The following KIAA0825 variants were observed in gnomAD, a reference collection of about 807,000 sequenced individuals.
The protein encoded by KIAA0825 is uncharacterized protein KIAA0825.
KIAA0825 carries 119 observed loss-of-function variants against 147.6 expected under a neutral mutation model. The observed-to-expected ratio is 0.81, with a 90% CI of 0.69 to 0.94. The LOEUF (loss-of-function observed/expected upper bound fraction) is 0.94. KIAA0825 is among the 40% of genes least tolerant of loss of function. The probability of loss-of-function intolerance (pLI) is 0.00; values close to 1 mark genes in which losing one functional copy is unlikely to be tolerated. For synonymous variants in KIAA0825, 470 were observed against 518.1 expected, an observed-to-expected ratio of 0.91 and a Z score of 1.26; for missense variants, 1,381 against 1,472.7, an observed-to-expected ratio of 0.94 and a Z score of 1.02.
At chr5:94,186,732 T>G (rs566534750) in intron 20 of KIAA0825, among the ~76,000 whole-genome samples, 1 of 152,304 alleles carries the variant, frequency 6.6e-6, no homozygotes, top group East Asian at 1.9e-4. Context: ...CATTGTTCAT[T>G]CATTAGAAAC....
In KIAA0825 at chr5:94,484,802, G is replaced by A. The variant is rs1472852298; in HGVS notation, c.1099C>T (p.Leu367Phe). ...TCCCTGGTTATCTTGAGTGATAAAA[G>A]TATTTCGTCAAACAATTCTTGAACA... ...KGVQELFDEI[L>F]LSLKITRDTS... The change falls in exon 6 of 21, where the codon CTT (leucine) becomes TTT (phenylalanine). Residue 367 changes from leucine (L) to phenylalanine (F), a missense_variant. Physicochemically the swap from Leu to Phe is conservative, Grantham distance 22. Coordinates refer to ENST00000682413, the MANE Select transcript of KIAA0825 (RefSeq NM_001145678.3). 1.3e-6 allele frequency: 2 copies of A among 1,507,344 alleles called. No individual in the cohort carries two copies. The highest frequency in any genetic ancestry group is 2.8e-5 in the African/African-American group (2 of 72,092). 93.4% of individuals were successfully genotyped at this position (1,507,344 alleles called of 1,614,324 possible).
chr5:94,199,957 A>G (rs1771510785), intron 20 of KIAA0825, among the ~76,000 whole-genome samples: 1 of 152,176 alleles, frequency 6.6e-6, no homozygotes, highest in Admixed American at 6.5e-5. Flanking sequence ...AGACTGGCAG[A>G]CAGAGGGTCA....
intron 5 of KIAA0825, among the ~76,000 whole-genome samples, chr5:94,485,452 G>A (rs1762937009): frequency 6.6e-6 from 1 of 151,770 alleles, no homozygotes; most frequent in Non-Finnish European, 1.5e-5. Flanking sequence ...ATAATTTGGT[G>A]AAATCTGACT....
intron 20 of KIAA0825, among the ~76,000 whole-genome samples, chr5:94,323,009 T>C (rs922688317): frequency 1.3e-5 from 2 of 151,914 alleles, no homozygotes; most frequent in Admixed American, 1.3e-4. Context: ...CAAAGGCATA[T>C]GTATTTGTTA....
chr5:94,402,870 A>G (rs889800050), intron 16 of KIAA0825, among the ~76,000 whole-genome samples: 5 of 152,054 alleles, frequency 3.3e-5, no homozygotes, highest in African/African-American at 4.8e-5. Context: ...TACGTAATAT[A>G]CATACAAAGG....
rs561615500 is a variant in KIAA0825, at chr5:94,274,828, C to A, written c.3710+109540G>T. On this transcript the variant is annotated intron_variant, in intron 20 of 20. Transcript: ENST00000682413. ...ACTCATGAGCTTCATCCTTTCATGTCCAACAGAAGAGAAACCGAGGCCTTA... is the reference window on the plus strand; with the variant it reads ...ACTCATGAGCTTCATCCTTTCATGTACAACAGAAGAGAAACCGAGGCCTTA... Among the ~76,000 whole-genome samples, 10 of 152,230 alleles carry A rather than the reference C, an allele frequency of 6.6e-5. No individual in the cohort carries two copies. The South Asian group carries it at 2.1e-3, about 32-fold the overall frequency.
chr5:94,395,783 C>A (rs1277676087), intron 17 of KIAA0825, among the ~76,000 whole-genome samples: 5 of 152,100 alleles, frequency 3.3e-5, no homozygotes, highest in African/African-American at 9.7e-5. Flanking sequence ...CCACTAGATA[C>A]CTGTTTGCAC....
At chr5:94,166,093 C>G (rs989219918) in intron 20 of KIAA0825, among the ~76,000 whole-genome samples, 4 of 152,028 alleles carry the variant, frequency 2.6e-5, no homozygotes, top group Admixed American at 1.3e-4. Context: ...CATTACATGC[C>G]TGTATCATAA....
intron 5 of KIAA0825, among the ~76,000 whole-genome samples, chr5:94,505,559 G>T (rs1276513895): frequency 2.0e-5 from 3 of 151,884 alleles, no homozygotes; most frequent in African/African-American, 7.3e-5. Flanking sequence ...AGAAAACTAA[G>T]CAACACTCAT....
intron 20 of KIAA0825, among the ~76,000 whole-genome samples, chr5:94,243,591 G>A (rs1452812042): frequency 6.6e-6 from 1 of 152,076 alleles, no homozygotes; most frequent in Non-Finnish European, 1.5e-5. Context: ...AATTTTATGT[G>A]GTGAAAAAGG....
chr5:94,416,043 G>C (rs1256553263), intron 15 of KIAA0825: 2 of 152,228 alleles, frequency 1.3e-5, no homozygotes, highest in African/African-American at 2.4e-5. Context: ...ATTCAATAAA[G>C]ACTACATCAG....
chr5:94,158,331 T>C (rs185787733), intron 20 of KIAA0825, among the ~76,000 whole-genome samples: 2 of 152,306 alleles, frequency 1.3e-5, no homozygotes, highest in Non-Finnish European at 2.9e-5. Context: ...TTTGGACTTT[T>C]TTTGGAGGAA....
At chr5:94,236,880 A>T (rs1775070775) in intron 20 of KIAA0825, among the ~76,000 whole-genome samples, 1 of 152,198 alleles carries the variant, frequency 6.6e-6, no homozygotes, top group African/African-American at 2.4e-5. Context: ...TGTTTTTTAG[A>T]CATAATGCTA....
At chr5:94,372,984 T>G (rs1746947748) in intron 20 of KIAA0825, among the ~76,000 whole-genome samples, 1 of 152,204 alleles carries the variant, frequency 6.6e-6, no homozygotes, top group African/African-American at 2.4e-5. Context: ...CCAGTCTCTT[T>G]GCTAACACAT....
chr5:94,206,307 T>C (rs1213777040), intron 20 of KIAA0825, among the ~76,000 whole-genome samples: 3 of 152,192 alleles, frequency 2.0e-5, no homozygotes, highest in African/African-American at 7.2e-5. Context: ...TTTTGAAGTC[T>C]TTTTAGATTG....
At chr5:94,294,819 G>A (rs962689297) in intron 20 of KIAA0825, among the ~76,000 whole-genome samples, 23 of 152,180 alleles carry the variant, frequency 1.5e-4, no homozygotes, top group African/African-American at 4.8e-4. Flanking sequence ...TCCCTTTGTG[G>A]GTAACCCAAC....
At chr5:94,302,692 A>T (rs1223225565) in intron 20 of KIAA0825, among the ~76,000 whole-genome samples, 1 of 152,148 alleles carries the variant, frequency 6.6e-6, no homozygotes, top group Non-Finnish European at 1.5e-5. Context: ...CAACAACAGA[A>T]CTAGATAGTT....
intron 20 of KIAA0825, among the ~76,000 whole-genome samples, chr5:94,267,492 C>G (rs1323644451): frequency 6.6e-6 from 1 of 151,980 alleles, no homozygotes; most frequent in Admixed American, 6.5e-5. Context: ...GGAGTGAAAC[C>G]GTGTGTATCA....
chr5:94,584,597 CCA>C (rs201907194), intron 1 of KIAA0825, among the ~76,000 whole-genome samples: 1,834 of 152,200 alleles, frequency 0.012, 34 homozygotes, highest in African/African-American at 0.042. Context: ...GAGAATGGAA[CCA>C]AGTTAGAAAA....
Sources: allele counts gnomAD v4.1 joint callset (sites outside exome capture counted in the v4.1 genomes callset), GRCh38; gene constraint gnomAD v4.1.1; transcripts MANE v1.5; gene names NCBI Gene and HGNC (gene_info 2026-07-23, HGNC 2026-07-21).